WRN: variants seen among roughly 807,000 people sequenced by gnomAD.
WRN encodes the protein WRN RecQ like helicase, also known as bifunctional 3'-5' exonuclease/ATP-dependent helicase WRN.
Under a neutral mutation model 180.7 loss-of-function variants are expected in WRN, and 149 were observed. The ratio of observed to expected loss-of-function variants is 0.82; its 90% confidence interval spans 0.72 to 0.94. The LOEUF (loss-of-function observed/expected upper bound fraction) is 0.94, where lower values mean the gene tolerates loss of function less well. Among genes scored for constraint, WRN ranks in the 40% least tolerant of loss-of-function variants. WRN has a pLI of 0.00. For missense variants in WRN, 1,661 were observed against 1,700.1 expected (o/e 0.98, Z 0.40); for synonymous variants, 548 against 568.9 (o/e 0.96, Z 0.52).
At chr8:31,070,880 A>T (rs1812888754) in intron 7 of WRN, among the ~76,000 whole-genome samples, 1 of 152,042 alleles carries the variant, frequency 6.6e-6, no homozygotes, top group Non-Finnish European at 1.5e-5. Flanking sequence ...CACCATCTCT[A>T]CTAAAAATAC....
chr8:31,054,148 C>G (rs906391524), intron 1 of WRN, among the ~76,000 whole-genome samples: 1 of 151,838 alleles, frequency 6.6e-6, no homozygotes, highest in African/African-American at 2.4e-5. Flanking sequence ...AAGTCTTGGT[C>G]AGGAGTAGAG....
chr8:31,095,930 G>A (rs1813948119), intron 16 of WRN, among the ~76,000 whole-genome samples: 2 of 152,152 alleles, frequency 1.3e-5, no homozygotes, highest in Admixed American at 6.5e-5. Flanking sequence ...TTTTGAATGA[G>A]TTTACCTTGA....
At chr8:31,077,975 A>T (rs995683631) in intron 8 of WRN, among the ~76,000 whole-genome samples, 1 of 152,132 alleles carries the variant, frequency 6.6e-6, no homozygotes, top group Non-Finnish European at 1.5e-5. Flanking sequence ...GTGGTGGGTA[A>T]AACTAGTCTT....
In WRN at chr8:31,141,463, C is replaced by T. The variant is rs374413412; in HGVS notation, c.3001C>T (p.His1001Tyr). ...SQRLADQYRR[H>Y]SLFGTGKDQT... ...GCGTCTTGCCGATCAATATCGCAGG[C>T]ACAGTTTATTTGGCACTGGCAAGGA... The change falls in exon 25 of 35, where the codon CAC (histidine) becomes TAC (tyrosine). Residue 1001 changes from histidine to tyrosine, a missense_variant. By Grantham distance (83) the His-to-Tyr change is moderately conservative. Coordinates refer to ENST00000298139, the MANE Select transcript of WRN (RefSeq NM_000553.6). The T allele has an allele frequency of 9.3e-6, 15 of 1,613,948 alleles. No homozygotes were observed. The highest frequency in any genetic ancestry group is 5.3e-5 in the African/African-American group (4 of 74,868).
intron 32 of WRN, among the ~76,000 whole-genome samples, chr8:31,155,637 A>AG (rs1449802578): frequency 1.3e-5 from 2 of 151,992 alleles, no homozygotes; most frequent in Admixed American, 6.5e-5. Flanking sequence ...AAAAAAAAAA[A>AG]AAAGACCATA....
chr8:31,066,179 G>T (rs1459455469), intron 5 of WRN, among the ~76,000 whole-genome samples: 1 of 149,208 alleles, frequency 6.7e-6, no homozygotes, highest in Admixed American at 6.7e-5. Flanking sequence ...CACCTGGCCG[G>T]CAGACAGTTT....
intron 3 of WRN, among the ~76,000 whole-genome samples, chr8:31,062,755 C>T (rs757437785): frequency 1.3e-5 from 2 of 152,096 alleles, no homozygotes; most frequent in Non-Finnish European, 2.9e-5. Flanking sequence ...CAGTAAAATA[C>T]AGCTGAAGCC....
chr8:31,067,867 A>G (rs1305147754), intron 6 of WRN, among the ~76,000 whole-genome samples: 1 of 152,184 alleles, frequency 6.6e-6, no homozygotes, highest in Admixed American at 6.5e-5. Context: ...CCAGCAAACA[A>G]TTCACTTTTG....
chr8:31,144,143 C>T (rs1802770161), intron 28 of WRN, among the ~76,000 whole-genome samples: 1 of 152,090 alleles, frequency 6.6e-6, no homozygotes, highest in Admixed American at 6.6e-5. Flanking sequence ...AGGTTTGTGG[C>T]AACCCTGCGT....
chr8:31,050,359 T>C (rs914144016), intron 1 of WRN, among the ~76,000 whole-genome samples: 2 of 152,162 alleles, frequency 1.3e-5, no homozygotes, highest in African/African-American at 4.8e-5. Flanking sequence ...CATGTGGATA[T>C]TAGAGTCTGA....
rs189629239 is a variant in WRN at position 31,111,098 on chromosome 8, G to T, written c.2089-517G>T. On this transcript the variant is annotated intron_variant, in intron 18 of 34. Coordinates refer to ENST00000298139, the MANE Select transcript of WRN (RefSeq NM_000553.6). ...AGTACCACTGAAGAGAGGTTATCTG[G>T]GTCATTGGAGCTTTGCTTCTAGATT... 3.9e-4 allele frequency among the ~76,000 whole-genome samples: 59 copies of T among 152,014 alleles called. No individual in the cohort carries two copies. In the South Asian group the frequency reaches 0.01, roughly 26 times the overall value.
rs79207081 is a variant in WRN at position 31,085,615 on chromosome 8, G to A, written c.1431+369G>A. Among the ~76,000 whole-genome samples, 450 of 152,000 alleles carry A rather than the reference G, an allele frequency of 3.0e-3. 1 individual carries two copies. In the East Asian group the frequency reaches 0.04, roughly 13 times the overall value. On this transcript the variant is annotated intron_variant, in intron 11 of 34. Transcript: ENST00000298139. ...CTCCTGAGTAGCTGGGATTACAGGCGTGTGCCACCATACCCGGCTTATTTT... is the reference window on the plus strand; with the variant it reads ...CTCCTGAGTAGCTGGGATTACAGGCATGTGCCACCATACCCGGCTTATTTT...
chr8:31,120,743 C>G (rs1405659327), intron 21 of WRN, among the ~76,000 whole-genome samples: 2 of 151,898 alleles, frequency 1.3e-5, no homozygotes, highest in Non-Finnish European at 2.9e-5. Flanking sequence ...CATTAATGAA[C>G]AGGTTCTTTT....
chr8:31,132,490 T>C lies in WRN; in HGVS notation c.2951T>C (p.Leu984Ser), dbSNP rs780405291. The C allele has an allele frequency of 1.1e-5, 17 of 1,614,178 alleles. No homozygotes were observed. The South Asian group carries it at 1.8e-4, about 17-fold the overall frequency. ...GEKFGIGLPILFLRGSNSQRL... is the reference protein window; with the variant it reads ...GEKFGIGLPISFLRGSNSQRL... ...AAATTTGGAATTGGGCTTCCAATTT[T>C]ATTTCTCCGAGGATCTGTAAGTATA... is the stretch of plus-strand genomic sequence containing the variant. Residue 984 changes from leucine (L) to serine (S), a missense_variant, in exon 24 of 35, where the codon TTA (leucine) becomes TCA (serine). Leu to Ser is a moderately radical substitution (Grantham distance 145). This residue lies in a region of WRN where 1,141 missense variants were observed against 1,149.4 expected (regional missense o/e 0.99). Coordinates refer to ENST00000298139, the MANE Select transcript of WRN (RefSeq NM_000553.6).
chr8:31,166,052 T>C (rs1200851359), intron 33 of WRN, among the ~76,000 whole-genome samples: 1 of 152,152 alleles, frequency 6.6e-6, no homozygotes, highest in African/African-American at 2.4e-5. Context: ...TTGTTTTGTT[T>C]TGTTTTTTGC....
In WRN at chr8:31,141,549, A is replaced by G. The variant is rs757463409; in HGVS notation, c.3087A>G (p.Val1029=). 3 of 1,614,206 alleles carry G rather than the reference A, an allele frequency of 1.9e-6. No individual in the cohort carries two copies. In the South Asian group the frequency reaches 3.3e-5, roughly 18 times the overall value. ...SRQLITEGFL[V]EVSRYNKFMK... ...AGCTGATCACTGAGGGATTCTTGGT[A>G]GAAGTTTCTCGGTATAACAAATTTA... The change falls in exon 25 of 35, where the codon GTA becomes GTG. Residue 1029 remains valine (V), a synonymous_variant. Transcript: ENST00000298139.
chr8:31,079,550 T>C (rs1813221261), intron 8 of WRN, among the ~76,000 whole-genome samples: 1 of 152,202 alleles, frequency 6.6e-6, no homozygotes, highest in Non-Finnish European at 1.5e-5. Context: ...GGTTTTCCAT[T>C]CCAACTAACT....
intron 1 of WRN, among the ~76,000 whole-genome samples, chr8:31,038,264 C>T (rs1360786584): frequency 6.6e-6 from 1 of 152,096 alleles, no homozygotes; most frequent in Non-Finnish European, 1.5e-5. Context: ...TTATAGCTAT[C>T]CTAGTAGGTG....
At chr8:31,088,759 A>G in intron 12 of WRN, 131 bp from the exon 13 acceptor site, 1 of 777,022 alleles carries the variant, frequency 1.3e-6, no homozygotes, top group Non-Finnish European at 2.1e-6. Context: ...TTGGAATTAA[A>G]AAATAGAAAA....
Sources: gnomAD v4.1 joint callset for allele counts (sites outside exome capture counted in the v4.1 genomes callset) on GRCh38, gnomAD v4.1.1 for gene constraint, gnomAD v4.1.1 regional missense constraint, MANE v1.5 for transcripts, NCBI Gene and HGNC (gene_info 2026-07-23, HGNC 2026-07-21) for gene names.